CAMK2D: variants seen among roughly 807,000 people sequenced by gnomAD.
The protein encoded by CAMK2D is calcium/calmodulin-dependent protein kinase type II subunit delta.
A neutral mutation model predicts 84.0 loss-of-function variants in CAMK2D; 37 were observed. That is an observed-to-expected ratio of 0.44 (90% CI 0.34 to 0.58). The LOEUF (loss-of-function observed/expected upper bound fraction) is 0.58, where lower values mean the gene tolerates loss of function less well. Among genes scored for constraint, CAMK2D ranks in the 20% least tolerant of loss-of-function variants. The pLI is 0.02. For synonymous variants in CAMK2D, 202 were observed against 212.5 expected (o/e 0.95, Z 0.43); for missense variants, 448 against 652.5 (o/e 0.69, Z 3.41).
chr4:113,457,679 ATTAG>A (rs1328395767), intron 18 of CAMK2D, 116 bp from the exon 19 acceptor site: 4 of 728,976 alleles, frequency 5.5e-6, no homozygotes, highest in African/African-American at 1.8e-5. Context: ...TCACTAATTA[ATTAG>A]TTAATTAATC....
At chr4:113,683,045 T>C (rs1234816204) in intron 2 of CAMK2D, among the ~76,000 whole-genome samples, 1 of 152,248 alleles carries the variant, frequency 6.6e-6, no homozygotes, top group African/African-American at 2.4e-5. Context: ...AATTAGTCAA[T>C]GCTCATCCAA....
intron 2 of CAMK2D, among the ~76,000 whole-genome samples, chr4:113,736,535 G>A (rs1378009223): frequency 1.3e-5 from 2 of 152,104 alleles, no homozygotes; most frequent in African/African-American, 4.8e-5. Flanking sequence ...TAATGCAATG[G>A]CACGTATTCC....
At chr4:113,672,868 C>T (rs1473782900) in intron 2 of CAMK2D, among the ~76,000 whole-genome samples, 1 of 151,872 alleles carries the variant, frequency 6.6e-6, no homozygotes, top group Admixed American at 6.6e-5. Context: ...AATTGTGTAT[C>T]CCATGTACCT....
Position 113,648,573 on chromosome 4 carries a change from A to G in CAMK2D, c.220+13140T>C, listed in dbSNP as rs529384832. ...GGAAAGGCACAAGGGACCGGTAAGA[A>G]GTGAGCTTTACTTTAGTGGACAGAA... On this transcript the variant is annotated intron_variant, in intron 3 of 20. Transcript: ENST00000511664. Among the ~76,000 whole-genome samples the G allele has an allele frequency of 2.4e-4, 37 of 152,374 alleles. No homozygotes were observed. In the South Asian group the frequency reaches 4.6e-3, roughly 19 times the overall value.
intron 6 of CAMK2D, among the ~76,000 whole-genome samples, chr4:113,542,714 CAA>C (rs35129999): frequency 1.6e-4 from 22 of 136,568 alleles, no homozygotes; most frequent in African/African-American, 3.9e-4. Context: ...GATTCCGTCT[CAA>C]AAAAAAAAAA....
intron 2 of CAMK2D, among the ~76,000 whole-genome samples, chr4:113,747,984 T>C (rs887328973): frequency 1.3e-5 from 2 of 152,192 alleles, no homozygotes; most frequent in Non-Finnish European, 2.9e-5. Context: ...TTCTGGCTTC[T>C]CGTGAGTATT....
chr4:113,543,981 C>T (rs751464111), intron 6 of CAMK2D, among the ~76,000 whole-genome samples: 7 of 151,866 alleles, frequency 4.6e-5, no homozygotes, highest in Admixed American at 2.0e-4. Context: ...TTAGTAGTGA[C>T]GGGGTTTCAC....
chr4:113,718,871 T>C lies in CAMK2D; in HGVS notation c.160+40449A>G, dbSNP rs2099521791. ...AATTTTGTCACTATATGCTTTTATC[T>C]AAAGTTAGACAACATTTTAGACAAA... On this transcript the variant is annotated intron_variant, in intron 2 of 20. Transcript: ENST00000511664. Among the ~76,000 whole-genome samples, 4 of 152,156 alleles carry C rather than the reference T, an allele frequency of 2.6e-5. No homozygotes were observed. The South Asian group carries it at 8.3e-4, about 32-fold the overall frequency.
intron 3 of CAMK2D, among the ~76,000 whole-genome samples, chr4:113,617,735 A>T (rs2099027353): frequency 6.6e-6 from 1 of 151,940 alleles, no homozygotes; most frequent in Non-Finnish European, 1.5e-5. Flanking sequence ...TGCCTGGTTC[A>T]AGCAATCCTC....
intron 8 of CAMK2D, among the ~76,000 whole-genome samples, chr4:113,529,114 C>T (rs1227481491): frequency 6.6e-6 from 1 of 152,086 alleles, no homozygotes; most frequent in Non-Finnish European, 1.5e-5. Context: ...GTAAAGAAAC[C>T]AACTCAGATA....
intron 4 of CAMK2D, among the ~76,000 whole-genome samples, chr4:113,575,450 C>A (rs762164064): frequency 1.4e-4 from 22 of 152,234 alleles, no homozygotes; most frequent in Non-Finnish European, 2.9e-4. Context: ...TCTCTGAATT[C>A]TTAAATATGC....
chr4:113,721,723 A>C (rs72899829), intron 2 of CAMK2D, among the ~76,000 whole-genome samples: 3 of 152,168 alleles, frequency 2.0e-5, no homozygotes, highest in Non-Finnish European at 4.4e-5. Context: ...ACTGCCGTAA[A>C]TTATCTCTTT....
chr4:113,499,370 A>C (rs2097996327), intron 16 of CAMK2D, among the ~76,000 whole-genome samples: 1 of 152,188 alleles, frequency 6.6e-6, no homozygotes, highest in Non-Finnish European at 1.5e-5. Context: ...TAGAGAGTAC[A>C]CTTTAACAGC....
In CAMK2D at chr4:113,473,696, C is replaced by T. The variant is rs149746853; in HGVS notation, c.1136-8092G>A. Among the ~76,000 whole-genome samples, 625 of 152,198 alleles carry T rather than the reference C, an allele frequency of 4.1e-3. 8 individuals are homozygous for T. Among genetic ancestry groups the T allele is most frequent in the African/African-American group, 0.014 (601 of 41,532 alleles). On this transcript the variant is annotated intron_variant, in intron 16 of 20. Coordinates refer to ENST00000511664, the MANE Select transcript of CAMK2D (RefSeq NM_001321571.2). ...TTTGCTATATAATGCAGAGTAGTTT[C>T]ATAGTACAAAATGATAGTTAACTGG...
At chr4:113,671,189 G>A (rs1216521419) in intron 2 of CAMK2D, among the ~76,000 whole-genome samples, 1 of 152,084 alleles carries the variant, frequency 6.6e-6, no homozygotes, top group African/African-American at 2.4e-5. Context: ...TTTTCCTTAG[G>A]TAGTTTAATA....
At chr4:113,663,679 A>T (rs2099245832) in intron 2 of CAMK2D, among the ~76,000 whole-genome samples, 1 of 150,744 alleles carries the variant, frequency 6.6e-6, no homozygotes, top group South Asian at 2.1e-4. Context: ...GGAGACAGGG[A>T]TATGAAAATA....
intron 16 of CAMK2D, among the ~76,000 whole-genome samples, chr4:113,497,671 T>C (rs1313566695): frequency 6.6e-6 from 1 of 152,184 alleles, no homozygotes; most frequent in Non-Finnish European, 1.5e-5. Flanking sequence ...TTTCTTTACA[T>C]TGGAGAGGAC....
chr4:113,708,038 T>G (rs2099467744), intron 2 of CAMK2D, among the ~76,000 whole-genome samples: 1 of 152,178 alleles, frequency 6.6e-6, no homozygotes, highest in Non-Finnish European at 1.5e-5. Context: ...TTGCTCATAT[T>G]ATTCACACAA....
intron 2 of CAMK2D, among the ~76,000 whole-genome samples, chr4:113,677,249 T>C (rs1459299675): frequency 6.6e-6 from 1 of 152,192 alleles, no homozygotes; most frequent in East Asian, 1.9e-4. Context: ...TATATTATAC[T>C]TGACCCATTT....
Sources: allele counts gnomAD v4.1 joint callset (sites outside exome capture counted in the v4.1 genomes callset), GRCh38; gene constraint gnomAD v4.1.1; transcripts MANE v1.5; gene names NCBI Gene and HGNC (gene_info 2026-07-23, HGNC 2026-07-21).